Variants in CNTN5 observed in about 807,000 individuals in gnomAD.
CNTN5 encodes the protein contactin-5.
Under a neutral mutation model 129.1 loss-of-function variants are expected in CNTN5, and 77 were observed. The ratio of observed to expected loss-of-function variants is 0.60; its 90% confidence interval spans 0.50 to 0.72. CNTN5 has a LOEUF of 0.72. CNTN5 is among the 30% of genes least tolerant of loss of function. The pLI is 0.00. For synonymous variants in CNTN5, 509 were observed against 465.6 expected (o/e 1.09, Z -1.20); for missense variants, 1,478 against 1,328.8 (o/e 1.11, Z -1.75).
intron 1 of CNTN5, among the ~76,000 whole-genome samples, chr11:99,134,024 T>C (rs1386278923): frequency 6.6e-6 from 1 of 152,182 alleles, no homozygotes; most frequent in Non-Finnish European, 1.5e-5. Flanking sequence ...AATGATAGAC[T>C]GGATAAAGAA....
At chr11:99,545,148 A>G (rs1948249363) in intron 2 of CNTN5, among the ~76,000 whole-genome samples, 1 of 152,218 alleles carries the variant, frequency 6.6e-6, no homozygotes, top group Admixed American at 6.5e-5. Context: ...TTTAGAGAAT[A>G]TGAATATTTC....
At chr11:100,196,069 T>C (rs897547029) in intron 15 of CNTN5, among the ~76,000 whole-genome samples, 1 of 151,410 alleles carries the variant, frequency 6.6e-6, no homozygotes, top group East Asian at 1.9e-4. Flanking sequence ...CTGCTTTGAG[T>C]TTCCAAGAAG....
chr11:99,912,232 G>C (rs1949679806), intron 6 of CNTN5, among the ~76,000 whole-genome samples: 1 of 151,904 alleles, frequency 6.6e-6, no homozygotes, highest in African/African-American at 2.4e-5. Flanking sequence ...AAGTCTGTGT[G>C]TATGTGTGTT....
At chr11:99,586,249 C>G (rs1207764661) in intron 3 of CNTN5, among the ~76,000 whole-genome samples, 6 of 152,092 alleles carry the variant, frequency 3.9e-5, no homozygotes, top group Non-Finnish European at 2.9e-5. Context: ...CAAGCTCAAT[C>G]AAATATAATG....
intron 2 of CNTN5, among the ~76,000 whole-genome samples, chr11:99,352,580 A>C (rs1227095424): frequency 6.6e-6 from 1 of 152,134 alleles, no homozygotes; most frequent in Admixed American, 6.5e-5. Flanking sequence ...GAAACAATAA[A>C]AACAATAAGA....
chr11:99,271,724 G>A (rs1205360446), intron 1 of CNTN5, among the ~76,000 whole-genome samples: 4 of 151,792 alleles, frequency 2.6e-5, no homozygotes, highest in African/African-American at 7.2e-5. Context: ...CTGTCAGCAG[G>A]TGGGCTCAGG....
intron 2 of CNTN5, among the ~76,000 whole-genome samples, chr11:99,427,063 A>G (rs1456088024): frequency 6.6e-6 from 1 of 152,210 alleles, no homozygotes; most frequent in Admixed American, 6.5e-5. Context: ...AGGCAGAAAA[A>G]CAAAAACAAA....
At chr11:99,901,731 AAT>A (rs1314147370) in intron 6 of CNTN5, among the ~76,000 whole-genome samples, 1 of 152,224 alleles carries the variant, frequency 6.6e-6, no homozygotes, top group Non-Finnish European at 1.5e-5. Flanking sequence ...GCATGCAATT[AAT>A]ATTAGTTTAA....
chr11:99,062,465 T>A (rs544595616), intron 1 of CNTN5, among the ~76,000 whole-genome samples: 1 of 152,216 alleles, frequency 6.6e-6, no homozygotes, highest in Admixed American at 6.5e-5. Context: ...ACTGGTATGA[T>A]GTATAGAGGA....
At chr11:99,825,868 C>T (rs1946938094) in intron 4 of CNTN5, among the ~76,000 whole-genome samples, 1 of 151,868 alleles carries the variant, frequency 6.6e-6, no homozygotes, top group Non-Finnish European at 1.5e-5. Flanking sequence ...GCTTATTCAC[C>T]CAGCACTTAA....
At chr11:99,659,421 CTG>C (rs796297966) in intron 3 of CNTN5, among the ~76,000 whole-genome samples, 17 of 152,222 alleles carry the variant, frequency 1.1e-4, no homozygotes, top group African/African-American at 4.1e-4. Context: ...GTTTTGGTAA[CTG>C]TAAACCGTGT....
chr11:99,817,149 G>A (rs984647988), intron 3 of CNTN5, among the ~76,000 whole-genome samples: 3 of 152,124 alleles, frequency 2.0e-5, no homozygotes, highest in Non-Finnish European at 4.4e-5. Context: ...GAGGGCTAGG[G>A]CAGGATTATT....
At chr11:99,496,329 A>C (rs1424890536) in intron 2 of CNTN5, among the ~76,000 whole-genome samples, 1 of 152,180 alleles carries the variant, frequency 6.6e-6, no homozygotes, top group African/African-American at 2.4e-5. Context: ...GCTGGAGTGC[A>C]GTGGCCAGAT....
At chr11:99,070,816 A>G (rs1394291174) in intron 1 of CNTN5, among the ~76,000 whole-genome samples, 1 of 152,084 alleles carries the variant, frequency 6.6e-6, no homozygotes, top group Non-Finnish European at 1.5e-5. Flanking sequence ...TAATTAGACT[A>G]GAGAACATCA....
intron 15 of CNTN5, among the ~76,000 whole-genome samples, chr11:100,221,282 G>T (rs140615903): frequency 6.6e-6 from 1 of 152,182 alleles, no homozygotes; most frequent in Non-Finnish European, 1.5e-5. Context: ...AGAATGACAG[G>T]ATTAAGTTGC....
At chr11:100,197,382 G>T (rs945161012) in intron 15 of CNTN5, among the ~76,000 whole-genome samples, 2 of 151,966 alleles carry the variant, frequency 1.3e-5, no homozygotes, top group African/African-American at 4.8e-5. Context: ...ACAGCTGTGT[G>T]GAGCAGGGAT....
intron 2 of CNTN5, among the ~76,000 whole-genome samples, chr11:99,547,729 TCTTAA>T (rs1303330009): frequency 9.9e-5 from 15 of 152,216 alleles, no homozygotes; most frequent in African/African-American, 3.6e-4. Context: ...TCTTCCATTA[TCTTAA>T]CTTTATATTT....
At chr11:99,712,114 G>A (rs61675771) in intron 3 of CNTN5, among the ~76,000 whole-genome samples, 3 of 151,816 alleles carry the variant, frequency 2.0e-5, no homozygotes, top group Non-Finnish European at 4.4e-5. Context: ...TAAAGCGTTC[G>A]TATTTCTCCA....
intron 3 of CNTN5, among the ~76,000 whole-genome samples, chr11:99,711,640 C>T (rs1305687335): frequency 6.6e-6 from 1 of 151,916 alleles, no homozygotes; most frequent in African/African-American, 2.4e-5. Context: ...TAGCCCCCCA[C>T]CCCTTGACAG....
Sources: allele counts gnomAD v4.1 joint callset (sites outside exome capture counted in the v4.1 genomes callset), GRCh38; gene constraint gnomAD v4.1.1; transcripts MANE v1.5; gene names NCBI Gene and HGNC (gene_info 2026-07-23, HGNC 2026-07-21).